The following DZIP3 variants were observed in gnomAD, a reference collection of about 807,000 sequenced individuals.
The protein encoded by DZIP3 is E3 ubiquitin-protein ligase DZIP3.
A neutral mutation model predicts 162.0 loss-of-function variants in DZIP3; 118 were observed. The observed-to-expected ratio is 0.73, with a 90% CI of 0.63 to 0.85. The LOEUF is 0.85. Among genes scored for constraint, DZIP3 ranks in the 40% least tolerant of loss-of-function variants. The pLI, the probability that DZIP3 is intolerant of heterozygous loss-of-function variation, is 0.00. For synonymous variants in DZIP3, 438 were observed against 458.6 expected (o/e 0.96, Z 0.57); for missense variants, 1,331 against 1,407.0 (o/e 0.95, Z 0.86).
chr3:108,658,753 TAAA>T (rs1214290132), intron 19 of DZIP3, among the ~76,000 whole-genome samples: 4 of 151,174 alleles, frequency 2.6e-5, no homozygotes, highest in African/African-American at 7.3e-5. Flanking sequence ...GCAAGACTAA[TAAA>T]GAAGAAAAGA....
At position 108,641,906 on chromosome 3, in the gene DZIP3, C is replaced by T. The variant is rs536109527; in HGVS notation, c.1065-532C>T. 2.0e-5 allele frequency among the ~76,000 whole-genome samples: 3 copies of T among 152,144 alleles called. No individual in the cohort carries two copies. In the South Asian group the frequency reaches 6.2e-4, roughly 32 times the overall value. ...AGCCAAGCCATCTGTTTAACGGCAG[C>T]ATTTACCTAGTGCTTAGTCTAGTTA... is the stretch of plus-strand genomic sequence containing the variant. On this transcript the variant is annotated intron_variant, in intron 12 of 32. Transcript: ENST00000361582.
At chr3:108,657,528 C>A (rs868848920) in intron 19 of DZIP3, among the ~76,000 whole-genome samples, 4 of 152,254 alleles carry the variant, frequency 2.6e-5, no homozygotes, top group Middle Eastern at 3.4e-3. Context: ...CCAGCAACTG[C>A]AAAAACATGC....
chr3:108,680,763 C>A, intron 26 of DZIP3, among the ~76,000 whole-genome samples: 1 of 152,088 alleles, frequency 6.6e-6, no homozygotes, highest in East Asian at 1.9e-4. Flanking sequence ...GATATATAGA[C>A]CAATGGAACA....
At chr3:108,625,226 T>C (rs1458379515) in intron 6 of DZIP3, among the ~76,000 whole-genome samples, 1 of 152,136 alleles carries the variant, frequency 6.6e-6, no homozygotes, top group Non-Finnish European at 1.5e-5. Flanking sequence ...GATCCTGATA[T>C]TTACTTCCAG....
At chr3:108,602,167 C>T (rs146088823) in intron 1 of DZIP3, among the ~76,000 whole-genome samples, 111 of 152,144 alleles carry the variant, frequency 7.3e-4, no homozygotes, top group African/African-American at 1.9e-3. Flanking sequence ...GTGATAGTAA[C>T]ACAAGTTAAA....
chr3:108,633,235 T>C (rs1172524725), intron 9 of DZIP3, among the ~76,000 whole-genome samples, 163 bp downstream of exon 9: 1 of 151,858 alleles, frequency 6.6e-6, no homozygotes, highest in Non-Finnish European at 1.5e-5. Flanking sequence ...TATGAGAACT[T>C]AGATTCAGAG....
chr3:108,648,849 T>C, intron 16 of DZIP3, 69 bp from the exon 17 acceptor site: 1 of 826,750 alleles, frequency 1.2e-6, no homozygotes, highest in Non-Finnish European at 1.7e-6. Context: ...TGAGAGGAAA[T>C]ATATTTTGCA....
intron 2 of DZIP3, among the ~76,000 whole-genome samples, chr3:108,606,471 A>G (rs1940379018): frequency 6.6e-6 from 1 of 152,220 alleles, no homozygotes; most frequent in African/African-American, 2.4e-5. Flanking sequence ...TAGTGGGAAG[A>G]TATATAAAAA....
chr3:108,682,365 C>T (rs1944352397), intron 26 of DZIP3, among the ~76,000 whole-genome samples: 1 of 150,934 alleles, frequency 6.6e-6, no homozygotes, highest in African/African-American at 2.5e-5. Flanking sequence ...TAAGATATGT[C>T]ATCTACATAA....
At chr3:108,688,252 A>G (rs1258023022) in intron 29 of DZIP3, among the ~76,000 whole-genome samples, 156 bp downstream of exon 29, 1 of 152,228 alleles carries the variant, frequency 6.6e-6, no homozygotes, top group African/African-American at 2.4e-5. Context: ...AACTTAACAA[A>G]TGATATCAGA....
chr3:108,666,071 G>A (rs1023781713), intron 21 of DZIP3, among the ~76,000 whole-genome samples: 5 of 152,016 alleles, frequency 3.3e-5, no homozygotes, highest in African/African-American at 1.2e-4. Flanking sequence ...ATAAGAAGTT[G>A]TCCTAATTAA....
At chr3:108,639,738 CT>C (rs967094912) in intron 12 of DZIP3, among the ~76,000 whole-genome samples, 2 of 151,386 alleles carry the variant, frequency 1.3e-5, no homozygotes, top group Non-Finnish European at 2.9e-5. Context: ...AAAGAATCAG[CT>C]TTTAATTTTA....
In DZIP3 at chr3:108,654,330, G is replaced by GT; in HGVS notation, c.2199+21dup. ...GAGCAGGTAAGCATGATTAGAGAGG[G>GT]TGCCTGCCTTCTCTTATTGTTATCT... On this transcript the variant is annotated intron_variant, in intron 19 of 32. Transcript: ENST00000361582. 1 of 1,612,934 alleles carries GT rather than the reference G, an allele frequency of 6.2e-7. No homozygotes were observed. Among genetic ancestry groups the GT allele is most frequent in the Non-Finnish European group, 8.5e-7 (1 of 1,179,280 alleles).
At chr3:108,672,154 C>G (rs1943948102) in intron 22 of DZIP3, among the ~76,000 whole-genome samples, 1 of 151,888 alleles carries the variant, frequency 6.6e-6, no homozygotes. Context: ...GAGTTCCGCC[C>G]TTATGACTGA....
At chr3:108,678,975 T>G (rs535742960) in intron 26 of DZIP3, among the ~76,000 whole-genome samples, 18 of 152,236 alleles carry the variant, frequency 1.2e-4, no homozygotes, top group African/African-American at 4.1e-4. Flanking sequence ...CCTTTTATAT[T>G]TTTGGTCAAT....
At chr3:108,622,307 A>G (rs1941391773) in intron 5 of DZIP3, among the ~76,000 whole-genome samples, 1 of 152,156 alleles carries the variant, frequency 6.6e-6, no homozygotes, top group South Asian at 2.1e-4. Flanking sequence ...CAGAATTTCT[A>G]CTTGATTTTT....
At chr3:108,673,995 A>G in intron 23 of DZIP3, 83 bp from the exon 24 acceptor site, 1 of 1,078,432 alleles carries the variant, frequency 9.3e-7, no homozygotes, top group Non-Finnish European at 1.4e-6. Context: ...AATAGCTTTA[A>G]ATTTACTTGA....
intron 26 of DZIP3, among the ~76,000 whole-genome samples, chr3:108,678,280 A>C (rs1478712270): frequency 6.6e-6 from 1 of 151,892 alleles, no homozygotes. Flanking sequence ...ATTTTATTAT[A>C]TATTACAATG....
In DZIP3 at chr3:108,611,300, CAAG is replaced by C. The variant is rs1559724966; in HGVS notation, c.234_236del (p.Glu78del). 2 of 1,611,460 alleles carry C rather than the reference CAAG, an allele frequency of 1.2e-6. No individual in the cohort carries two copies. The highest frequency in any genetic ancestry group is 1.1e-5 in the South Asian group (1 of 90,316). On this transcript the variant is annotated inframe_deletion, in exon 4 of 33. Transcript: ENST00000361582. ...GGTTCCTCACATTAAGAAGTTCTTACAAGAAGATTTTTCCTTCCAAACTATGCA... is the reference window on the plus strand; with the variant it reads ...GGTTCCTCACATTAAGAAGTTCTTACAAGATTTTTCCTTCCAAACTATGCA...
Sources: gnomAD v4.1 joint callset for allele counts (sites outside exome capture counted in the v4.1 genomes callset) on GRCh38, gnomAD v4.1.1 for gene constraint, MANE v1.5 for transcripts, NCBI Gene and HGNC (gene_info 2026-07-23, HGNC 2026-07-21) for gene names.